NEDD4L: variants seen among roughly 807,000 people sequenced by gnomAD.
NEDD4L encodes the protein NEDD4 like E3 ubiquitin protein ligase.
A neutral mutation model predicts 148.9 loss-of-function variants in NEDD4L; 54 were observed. The ratio of observed to expected loss-of-function variants is 0.36; its 90% CI spans 0.29 to 0.45. The LOEUF (loss-of-function observed/expected upper bound fraction) is 0.45. Ranked by LOEUF, NEDD4L falls within the 20% of genes least tolerant of loss-of-function variation. The pLI is 1.00. For missense variants in NEDD4L, 856 were observed against 1,233.8 expected, an observed-to-expected ratio of 0.69 and a Z score of 4.59; for synonymous variants, 433 against 440.7, an observed-to-expected ratio of 0.98 and a Z score of 0.22.
chr18:58,236,832 C>T (rs1018892511), intron 2 of NEDD4L, among the ~76,000 whole-genome samples: 3 of 152,006 alleles, frequency 2.0e-5, no homozygotes, highest in Admixed American at 6.6e-5. Flanking sequence ...AAGACTAGCC[C>T]GACCAACATG....
intron 1 of NEDD4L, among the ~76,000 whole-genome samples, chr18:58,104,677 A>G (rs778946284): frequency 6.6e-6 from 1 of 152,232 alleles, no homozygotes; most frequent in Non-Finnish European, 1.5e-5. Context: ...GTACATTTAT[A>G]ACTGACAGTA....
In NEDD4L at chr18:58,205,127, G is replaced by A. The variant is rs574832717; in HGVS notation, c.122+39266G>A. On this transcript the variant is annotated intron_variant, in intron 2 of 30. Transcript: ENST00000400345. The stretch of plus-strand genomic sequence containing the variant: ...TAGAGTAAGCAATGTAGAATCAAAG[G>A]TATCATCTTTATTATGTCCTATTTG... Among the ~76,000 whole-genome samples, 9 of 152,304 alleles carry A rather than the reference G, an allele frequency of 5.9e-5. No individual in the cohort carries two copies. In the South Asian group the frequency reaches 1.9e-3, roughly 32 times the overall value.
At chr18:58,357,972 G>A (rs538808960) in intron 19 of NEDD4L, among the ~76,000 whole-genome samples, 26 of 152,288 alleles carry the variant, frequency 1.7e-4, no homozygotes, top group African/African-American at 5.5e-4. Flanking sequence ...GTGGCTATAC[G>A]AGTGCAGGGA....
intron 5 of NEDD4L, among the ~76,000 whole-genome samples, chr18:58,304,610 T>C (rs1181619504): frequency 1.3e-5 from 2 of 152,038 alleles, no homozygotes; most frequent in African/African-American, 4.8e-5. Flanking sequence ...TCACTTTGGA[T>C]GAGATTGGCC....
chr18:58,299,697 C>A lies in NEDD4L; in HGVS notation c.298-16285C>A, dbSNP rs1274832950. ...ATAAATAGATAGGCAGTCTCCTCCC[C>A]AGTCCTGGTCCCTTTGGGAGATGAA... is the stretch of plus-strand genomic sequence containing the variant. On this transcript the variant is annotated intron_variant, in intron 5 of 30. Transcript: ENST00000400345. Among the ~76,000 whole-genome samples the A allele has an allele frequency of 2.0e-5, 3 of 152,162 alleles. No homozygotes were observed. The East Asian group carries it at 5.8e-4, about 29-fold the overall frequency.
chr18:58,110,077 CAGG>C (rs2085327867), intron 1 of NEDD4L, among the ~76,000 whole-genome samples: 1 of 152,058 alleles, frequency 6.6e-6, no homozygotes, highest in African/African-American at 2.4e-5. Context: ...TACAGCAGCC[CAGG>C]AGGACAGATT....
At chr18:58,173,364 T>G (rs1488414522) in intron 2 of NEDD4L, among the ~76,000 whole-genome samples, 3 of 152,258 alleles carry the variant, frequency 2.0e-5, no homozygotes, top group African/African-American at 7.2e-5. Flanking sequence ...TTGCAAGACA[T>G]TCATTCACAG....
chr18:58,266,009 G>A (rs1327231073), intron 5 of NEDD4L, among the ~76,000 whole-genome samples: 2 of 152,006 alleles, frequency 1.3e-5, no homozygotes, highest in Non-Finnish European at 1.5e-5. Flanking sequence ...TAAGAAAAAT[G>A]CTAATCTGTA....
At chr18:58,144,347 C>G (rs1236136922) in intron 1 of NEDD4L, among the ~76,000 whole-genome samples, 3 of 151,966 alleles carry the variant, frequency 2.0e-5, no homozygotes, top group Admixed American at 6.6e-5. Flanking sequence ...TCTCACGTGG[C>G]CAGAGCAGGA....
intron 1 of NEDD4L, among the ~76,000 whole-genome samples, chr18:58,139,701 T>G (rs1197767844): frequency 6.6e-6 from 1 of 152,160 alleles, no homozygotes; most frequent in Non-Finnish European, 1.5e-5. Flanking sequence ...CATAGAAATC[T>G]GGCCGAGCAG....
At chr18:58,143,431 G>C (rs964814084) in intron 1 of NEDD4L, among the ~76,000 whole-genome samples, 1 of 152,204 alleles carries the variant, frequency 6.6e-6, no homozygotes, top group Non-Finnish European at 1.5e-5. Context: ...ATCTTTGAAA[G>C]GGGGCCATTT....
intron 2 of NEDD4L, among the ~76,000 whole-genome samples, chr18:58,192,111 C>T (rs2040187243): frequency 6.6e-6 from 1 of 152,112 alleles, no homozygotes. Flanking sequence ...TTGGAGGTTG[C>T]AGTGAGCTGA....
intron 2 of NEDD4L, among the ~76,000 whole-genome samples, chr18:58,191,806 G>C (rs552236292): frequency 6.6e-6 from 1 of 152,260 alleles, no homozygotes; most frequent in Non-Finnish European, 1.5e-5. Context: ...TCAAGGGGAA[G>C]CAATCTGGGA....
intron 5 of NEDD4L, among the ~76,000 whole-genome samples, chr18:58,255,150 G>A (rs1044590299): frequency 6.6e-6 from 1 of 152,146 alleles, no homozygotes; most frequent in African/African-American, 2.4e-5. Flanking sequence ...GCTGTGCTCC[G>A]TTGGGAAAGA....
chr18:58,257,870 G>T (rs2048817705), intron 5 of NEDD4L, among the ~76,000 whole-genome samples: 1 of 152,170 alleles, frequency 6.6e-6, no homozygotes, highest in South Asian at 2.1e-4. Flanking sequence ...AATTTCATGT[G>T]ACTGCCAGTT....
intron 5 of NEDD4L, among the ~76,000 whole-genome samples, chr18:58,276,212 T>TTTTTTTG (rs1555782967): frequency 9.7e-6 from 1 of 103,448 alleles, no homozygotes; most frequent in African/African-American, 3.6e-5. Context: ...TTTTTTTTTT[T>TTTTTTTG]GGGTGGGGAG....
intron 1 of NEDD4L, among the ~76,000 whole-genome samples, chr18:58,052,374 G>A (rs1007689758): frequency 6.6e-6 from 1 of 152,176 alleles, no homozygotes; most frequent in Admixed American, 6.5e-5. Flanking sequence ...GCTGATTATT[G>A]TAATCCCTTT....
At chr18:58,203,658 A>G (rs2041669964) in intron 2 of NEDD4L, among the ~76,000 whole-genome samples, 1 of 151,740 alleles carries the variant, frequency 6.6e-6, no homozygotes, top group Admixed American at 6.6e-5. Flanking sequence ...CCAAATTAGT[A>G]AATGTTAAAA....
intron 5 of NEDD4L, among the ~76,000 whole-genome samples, chr18:58,270,205 A>G (rs1247373140): frequency 6.6e-6 from 1 of 152,220 alleles, no homozygotes; most frequent in Non-Finnish European, 1.5e-5. Flanking sequence ...CCAGTTGTCA[A>G]ATTTTCATGA....
Sources: gnomAD v4.1 joint callset for allele counts (sites outside exome capture counted in the v4.1 genomes callset) on GRCh38, gnomAD v4.1.1 for gene constraint, MANE v1.5 for transcripts, NCBI Gene and HGNC (gene_info 2026-07-23, HGNC 2026-07-21) for gene names.